Variants in PLAC8 observed in about 807,000 individuals in gnomAD.
PLAC8 encodes the protein placenta associated 8, also known as placenta-specific gene 8 protein.
Under a neutral mutation model 12.6 loss-of-function variants are expected in PLAC8, and 6 were observed. The observed-to-expected ratio is 0.48, with a 90% confidence interval of 0.26 to 0.94. The LOEUF is 0.94. Ranked by LOEUF, PLAC8 falls within the 40% of genes least tolerant of loss-of-function variation. The pLI is 0.14. For missense variants in PLAC8, 122 were observed against 152.7 expected (o/e 0.80, Z 1.06); for synonymous variants, 54 against 52.6 (o/e 1.03, Z -0.11).
chr4:83,103,133 C>G (rs6814249), intron 3 of PLAC8, among the ~76,000 whole-genome samples: 5 of 145,346 alleles, frequency 3.4e-5, no homozygotes, highest in African/African-American at 1.3e-4. Flanking sequence ...GCGGTGGCTT[C>G]TGCCTGTAAT....
At chr4:83,103,953 C>G (rs760492257) in intron 3 of PLAC8, among the ~76,000 whole-genome samples, 7 of 152,184 alleles carry the variant, frequency 4.6e-5, no homozygotes, top group Non-Finnish European at 7.3e-5. Context: ...TAGGTGTGAG[C>G]CACCACGCCC....
chr4:83,094,645 CAT>C, intron 4 of PLAC8, 31 bp downstream of exon 4: 1 of 1,118,486 alleles, frequency 8.9e-7, no homozygotes, highest in Non-Finnish European at 1.3e-6. Context: ...TAAAAACCCA[CAT>C]GTTCTGAGAG....
chr4:83,095,736 C>G (rs1731910517), intron 3 of PLAC8, among the ~76,000 whole-genome samples: 1 of 152,078 alleles, frequency 6.6e-6, no homozygotes, highest in Non-Finnish European at 1.5e-5. Context: ...GGAAAATTCC[C>G]AAGACATCAG....
intron 3 of PLAC8, among the ~76,000 whole-genome samples, chr4:83,100,280 C>CAAA (rs35928607): frequency 4.1e-5 from 5 of 121,386 alleles, no homozygotes; most frequent in Admixed American, 1.7e-4. Context: ...GACTCCATCT[C>CAAA]AAAAAAAAAA....
intron 1 of PLAC8, among the ~76,000 whole-genome samples, chr4:83,113,319 G>A (rs371542421): frequency 1.4e-4 from 21 of 152,178 alleles, no homozygotes; most frequent in Admixed American, 7.8e-4. Context: ...TCGCATTCCC[G>A]GGAGCACATT....
At chr4:83,094,368 T>C (rs1204609880) in intron 4 of PLAC8, 2 of 204,432 alleles carry the variant, frequency 9.8e-6, no homozygotes, top group Admixed American at 6.2e-5. Flanking sequence ...GAACATGTTT[T>C]CTAATTCTTT....
intron 3 of PLAC8, among the ~76,000 whole-genome samples, chr4:83,100,199 T>G (rs1224768925): frequency 6.0e-5 from 9 of 149,962 alleles, no homozygotes; most frequent in Non-Finnish European, 1.2e-4. Context: ...GAGAATGGCG[T>G]GAACCCAGGA....
chr4:83,111,273 A>T (rs1043300651), intron 1 of PLAC8, among the ~76,000 whole-genome samples: 1 of 151,984 alleles, frequency 6.6e-6, no homozygotes, highest in Non-Finnish European at 1.5e-5. Context: ...ATGGCCGATA[A>T]TTTTTTTTAT....
chr4:83,108,138 A>AATAT (rs372538727), intron 1 of PLAC8, among the ~76,000 whole-genome samples, 188 bp from the exon 2 acceptor site: 4,088 of 149,480 alleles, frequency 0.027, 176 homozygotes, highest in African/African-American at 0.09. Context: ...AGTATAATAA[A>AATAT]ATATATATAT....
chr4:83,106,510 C>G (rs1001575084), intron 2 of PLAC8, among the ~76,000 whole-genome samples: 1 of 151,744 alleles, frequency 6.6e-6, no homozygotes, highest in African/African-American at 2.4e-5. Context: ...CCCAGCTACT[C>G]GGAGGCCAAG....
intron 2 of PLAC8, among the ~76,000 whole-genome samples, chr4:83,106,380 G>C (rs555641271): frequency 1.5e-3 from 224 of 152,150 alleles, no homozygotes; most frequent in Non-Finnish European, 2.7e-3. Flanking sequence ...CACTTTGGAA[G>C]GCCGAGGTGG....
At position 83,100,042 on chromosome 4, in the gene PLAC8, G is replaced by A. The variant is rs7682935; in HGVS notation, c.243+4854C>T. On this transcript the variant is annotated intron_variant, in intron 3 of 4. Coordinates refer to ENST00000311507, the MANE Select transcript of PLAC8 (RefSeq NM_016619.3). ...CAAAAAACTGCCGGGCGCGCGAGGCGGGCAGATCACAAGGTCAGGAGATCG... is the reference window on the plus strand; with the variant it reads ...CAAAAAACTGCCGGGCGCGCGAGGCAGGCAGATCACAAGGTCAGGAGATCG... Among the ~76,000 whole-genome samples the A allele has an allele frequency of 2.8e-3, 406 of 147,320 alleles. 1 individual carries two copies. Among genetic ancestry groups the A allele is most frequent in the African/African-American group, 6.7e-3 (266 of 39,698 alleles).
In PLAC8 at chr4:83,104,516, A is replaced by G. The variant is rs192395419; in HGVS notation, c.243+380T>C. ...TTTCTCTACTATTATCTTTGAGGGA[A>G]TTACTCCACCTCTTAAAACTTTAAA... On this transcript the variant is annotated intron_variant, in intron 3 of 4. Transcript: ENST00000311507. Among the ~76,000 whole-genome samples, 8 of 152,296 alleles carry G rather than the reference A, an allele frequency of 5.3e-5. No individual in the cohort carries two copies. The East Asian group carries it at 1.5e-3, about 29-fold the overall frequency.
intron 3 of PLAC8, among the ~76,000 whole-genome samples, chr4:83,103,506 G>A (rs549248611): frequency 2.3e-3 from 357 of 152,314 alleles, no homozygotes; most frequent in Non-Finnish European, 3.8e-3. Context: ...TATTCCATAA[G>A]CTTAGTTGAT....
chr4:83,111,689 A>G (rs1174654234), intron 1 of PLAC8, among the ~76,000 whole-genome samples: 3 of 152,238 alleles, frequency 2.0e-5, no homozygotes, highest in Non-Finnish European at 4.4e-5. Flanking sequence ...GTTTTTTAAT[A>G]TAATAACAGC....
rs35868133 is a variant in PLAC8 at position 83,090,527 on chromosome 4, C to CAAAAAAAAAAA, written c.*443_*453dup. ...TGGGCAACAGAGCGAGACTCTATCT[C>CAAAAAAAAAAA]AAAAAAAAAAAAAAAAAAAGAAAGA... On this transcript the variant is annotated 3_prime_UTR_variant, in exon 5 of 5. Transcript: ENST00000311507. The CAAAAAAAAAAA allele has an allele frequency of 6.9e-5, 4 of 58,082 alleles. No individual in the cohort carries two copies. The highest frequency in any genetic ancestry group is 2.8e-4 in the Admixed American group (1 of 3,528). The allele number at this position is 58,082 out of a possible 1,614,324, so 3.6% of individuals were successfully genotyped here. A position where few individuals can be genotyped will look rare whatever the true frequency, so the allele number is the denominator to read the frequency against.
At chr4:83,109,582 C>T (rs1051823878) in intron 1 of PLAC8, 12 of 152,224 alleles carry the variant, frequency 7.9e-5, no homozygotes, top group African/African-American at 2.7e-4. Context: ...ACTAGGCGAA[C>T]GTGTGTCTGG....
intron 4 of PLAC8, 64 bp downstream of exon 4, chr4:83,094,614 C>G: frequency 1.2e-6 from 1 of 830,074 alleles, no homozygotes; most frequent in Non-Finnish European, 2.0e-6. Context: ...AAATAATTGA[C>G]AAAGTCTTTA....
chr4:83,107,808 T>TGTTCC lies in PLAC8; in HGVS notation c.113_114insGGAAC (p.Val39GlufsTer22). 2 of 1,601,022 alleles carry TGTTCC rather than the reference T, an allele frequency of 1.2e-6. No homozygotes were observed. ...GTTCTTTCCCCACACACTTACAGACTCCGCAGTCGCTGAAACAGTCACACA... is the reference window on the plus strand; with the variant it reads ...GTTCTTTCCCCACACACTTACAGACTGTTCCCCGCAGTCGCTGAAACAGTCACACA... On this transcript the variant is annotated frameshift_variant, in exon 2 of 5. Coordinates refer to ENST00000311507, the MANE Select transcript of PLAC8 (RefSeq NM_016619.3). LOFTEE classifies it high-confidence loss of function.
Sources: gnomAD v4.1 joint callset for allele counts (sites outside exome capture counted in the v4.1 genomes callset) on GRCh38, gnomAD v4.1.1 for gene constraint, MANE v1.5 for transcripts, NCBI Gene and HGNC (gene_info 2026-07-23, HGNC 2026-07-21) for gene names.